SH3BGRL2: variants seen among roughly 807,000 people sequenced by gnomAD.
SH3BGRL2 encodes the protein SH3 domain binding glutamate rich protein like 2.
A neutral mutation model predicts 14.8 loss-of-function variants in SH3BGRL2; 21 were observed. The ratio of observed to expected loss-of-function variants is 1.42; its 90% CI spans 1.01 to 2.05. The LOEUF (loss-of-function observed/expected upper bound fraction) is 2.05, where lower values mean the gene tolerates loss of function less well. Among genes scored for constraint, SH3BGRL2 ranks in the 30% most tolerant of loss-of-function variants. The pLI is 0.00. For missense variants in SH3BGRL2, 147 were observed against 130.8 expected (o/e 1.12, Z -0.61); for synonymous variants, 50 against 47.8 (o/e 1.05, Z -0.19).
the SH3BGRL2 span, among the ~76,000 whole-genome samples, chr6:79,540,288 A>C: frequency 6.6e-6 from 1 of 151,930 alleles, no homozygotes; most frequent in Non-Finnish European, 1.5e-5. Flanking sequence ...CAAAAAAATG[A>C]GCTGGGCGTG....
At chr6:79,668,298 G>A (rs1484131625) in intron 1 of SH3BGRL2, among the ~76,000 whole-genome samples, 1 of 152,152 alleles carries the variant, frequency 6.6e-6, no homozygotes, top group African/African-American at 2.4e-5. Context: ...TAATTATTTA[G>A]CCTGTCTTCC....
At chr6:79,572,780 T>G in the SH3BGRL2 span, among the ~76,000 whole-genome samples, 1 of 152,168 alleles carries the variant, frequency 6.6e-6, no homozygotes, top group Non-Finnish European at 1.5e-5. Flanking sequence ...TTATTTACAA[T>G]TATTCTATTA....
chr6:79,572,328 A>G, the SH3BGRL2 span, among the ~76,000 whole-genome samples: 527 of 152,328 alleles, frequency 3.5e-3, 3 homozygotes, highest in African/African-American at 0.011. Context: ...AGTAATATCA[A>G]TTTATTTACA....
chr6:79,567,368 T>C, the SH3BGRL2 span, among the ~76,000 whole-genome samples: 3 of 152,166 alleles, frequency 2.0e-5, no homozygotes, highest in African/African-American at 4.8e-5. Flanking sequence ...GAAGAAGAAA[T>C]GTACATATAG....
the SH3BGRL2 span, among the ~76,000 whole-genome samples, chr6:79,559,720 G>A: frequency 1.7e-4 from 26 of 152,302 alleles, no homozygotes; most frequent in Admixed American, 1.3e-3. Flanking sequence ...CTCTAGTTAC[G>A]TAAGAGAACA....
At chr6:79,562,790 T>C in the SH3BGRL2 span, among the ~76,000 whole-genome samples, 2 of 152,130 alleles carry the variant, frequency 1.3e-5, no homozygotes, top group Admixed American at 6.6e-5. Context: ...AGCTGATAAG[T>C]TTTTTTAAAA....
At chr6:79,542,666 G>A in the SH3BGRL2 span, among the ~76,000 whole-genome samples, 1 of 151,978 alleles carries the variant, frequency 6.6e-6, no homozygotes, top group African/African-American at 2.4e-5. Flanking sequence ...TGCCAAAATG[G>A]GGCATTTAGG....
At chr6:79,675,966 G>T (rs192238575) in intron 2 of SH3BGRL2, among the ~76,000 whole-genome samples, 1 of 152,188 alleles carries the variant, frequency 6.6e-6, no homozygotes, top group Admixed American at 6.5e-5. Flanking sequence ...CTCACTAGAA[G>T]CTGCGTGTGT....
the SH3BGRL2 span, among the ~76,000 whole-genome samples, chr6:79,580,450 C>G: frequency 1.3e-5 from 2 of 152,154 alleles, no homozygotes; most frequent in Non-Finnish European, 2.9e-5. Context: ...GTCTCTCAGA[C>G]CACAGAGCAA....
At chr6:79,538,018 G>GTTTTTTTTT in the SH3BGRL2 span, among the ~76,000 whole-genome samples, 160 of 44,164 alleles carry the variant, frequency 3.6e-3, 39 homozygotes, top group South Asian at 0.011. Context: ...TTGCACACAA[G>GTTTTTTTTT]TTTTTTTTTT....
At chr6:79,569,155 T>C in the SH3BGRL2 span, among the ~76,000 whole-genome samples, 1 of 152,194 alleles carries the variant, frequency 6.6e-6, no homozygotes, top group Admixed American at 6.5e-5. Flanking sequence ...GTGGGACAAA[T>C]TGAAGCTTGG....
the SH3BGRL2 span, among the ~76,000 whole-genome samples, chr6:79,572,206 T>C: frequency 2.0e-5 from 3 of 152,200 alleles, no homozygotes; most frequent in Non-Finnish European, 2.9e-5. Flanking sequence ...CTACAATTTA[T>C]TTCCTCATTA....
chr6:79,678,140 TC>T (rs762370182), intron 2 of SH3BGRL2, among the ~76,000 whole-genome samples: 1 of 152,228 alleles, frequency 6.6e-6, no homozygotes, highest in Non-Finnish European at 1.5e-5. Flanking sequence ...TTTTAAATTT[TC>T]TTTATTGTGA....
chr6:79,624,491 A>G, the SH3BGRL2 span, among the ~76,000 whole-genome samples: 1 of 152,040 alleles, frequency 6.6e-6, no homozygotes, highest in Non-Finnish European at 1.5e-5. Context: ...ACTTGTAACA[A>G]TATGTTCAGT....
At chr6:79,646,323 G>C (rs1050206860) in intron 1 of SH3BGRL2, among the ~76,000 whole-genome samples, 8 of 152,202 alleles carry the variant, frequency 5.3e-5, no homozygotes, top group Non-Finnish European at 8.8e-5. Flanking sequence ...GGTATGACCT[G>C]TTAAATGACT....
the SH3BGRL2 span, among the ~76,000 whole-genome samples, chr6:79,567,975 A>G: frequency 6.6e-6 from 1 of 152,224 alleles, no homozygotes; most frequent in African/African-American, 2.4e-5. Context: ...GACTAGTAAC[A>G]TAAAAAGATG....
At chr6:79,564,422 G>A in the SH3BGRL2 span, among the ~76,000 whole-genome samples, 3 of 150,674 alleles carry the variant, frequency 2.0e-5, no homozygotes, top group African/African-American at 7.3e-5. Context: ...CTTTTTCCTT[G>A]GGTTTGCAAA....
chr6:79,572,772 A>G, the SH3BGRL2 span, among the ~76,000 whole-genome samples: 1 of 152,026 alleles, frequency 6.6e-6, no homozygotes, highest in Non-Finnish European at 1.5e-5. Flanking sequence ...GCCTATTTTT[A>G]TTTACAATTA....
chr6:79,548,952 A>T, the SH3BGRL2 span, among the ~76,000 whole-genome samples: 3 of 152,174 alleles, frequency 2.0e-5, no homozygotes, highest in African/African-American at 7.2e-5. Context: ...ATTAAGATAT[A>T]AATTAATTAA....
Sources: allele counts gnomAD v4.1 joint callset (sites outside exome capture counted in the v4.1 genomes callset), GRCh38; gene constraint gnomAD v4.1.1; transcripts MANE v1.5; gene names NCBI Gene and HGNC (gene_info 2026-07-23, HGNC 2026-07-21).